CENPE: variants seen among roughly 807,000 people sequenced by gnomAD.
CENPE encodes the protein centromere-associated protein E.
CENPE carries 145 observed loss-of-function variants against 336.1 expected under a neutral mutation model. The observed-to-expected ratio is 0.43, with a 90% CI of 0.38 to 0.50. CENPE has a LOEUF of 0.50. Among genes scored for constraint, CENPE ranks in the 20% least tolerant of loss-of-function variants. The pLI is 0.00. For synonymous variants in CENPE, 1,013 were observed against 984.8 expected (o/e 1.03, Z -0.54); for missense variants, 2,719 against 3,023.3 (o/e 0.90, Z 2.36).
chr4:103,183,370 G>T, intron 9 of CENPE, 82 bp from the exon 10 acceptor site: 1 of 1,059,954 alleles, frequency 9.4e-7, no homozygotes, highest in Non-Finnish European at 1.4e-6. Context: ...GTTAATGAGA[G>T]AAATTAGAGG....
intron 8 of CENPE, among the ~76,000 whole-genome samples, chr4:103,190,055 GAATAA>G (rs1273587501): frequency 6.6e-6 from 1 of 152,084 alleles, no homozygotes; most frequent in Non-Finnish European, 1.5e-5. Flanking sequence ...GCTTCAAAGA[GAATAA>G]AATACCTAGG....
chr4:103,182,745 A>G lies in CENPE; in HGVS notation c.963+17T>C. 6.3e-7 allele frequency: 1 copy of G among 1,580,900 alleles called. No homozygotes were observed. Among genetic ancestry groups the G allele is most frequent in the Non-Finnish European group, 8.6e-7 (1 of 1,162,250 alleles). The stretch of plus-strand genomic sequence containing the variant: ...TGATCTTCCCCTATATTAAGCTGAG[A>G]TAAAAATCAAACTCACCTGGAGAGC... On this transcript the variant is annotated intron_variant, in intron 11 of 48. Coordinates refer to ENST00000265148, the MANE Select transcript of CENPE (RefSeq NM_001813.3).
At chr4:103,111,987 C>A (rs1211264115) in intron 46 of CENPE, among the ~76,000 whole-genome samples, 1 of 151,498 alleles carries the variant, frequency 6.6e-6, no homozygotes, top group East Asian at 1.9e-4. Context: ...TGTGCGTGTG[C>A]ATGTATATAA....
In CENPE at chr4:103,195,119, C is replaced by T. The variant is rs1757640302; in HGVS notation, c.472G>A (p.Val158Ile). The change falls in exon 5 of 49, where the codon GTC (valine) becomes ATC (isoleucine). Residue 158 changes from valine to isoleucine, a missense_variant. By Grantham distance (29) the Val-to-Ile change is conservative (BLOSUM62 3). Coordinates refer to ENST00000265148, the MANE Select transcript of CENPE (RefSeq NM_001813.3). ...CCCTTAAGTCTGCTACTCACATTGA[C>T]ATCTTCTCGAATAATTAAAGGTTTC... ...KMKPLIIRED[V>I]NRNVYVADLT... 6 of 1,582,592 alleles carry T rather than the reference C, an allele frequency of 3.8e-6. No homozygotes were observed. The highest frequency in any genetic ancestry group is 5.1e-6 in the Non-Finnish European group (6 of 1,171,802).
chr4:103,160,031 TG>T (rs200266113), intron 21 of CENPE, among the ~76,000 whole-genome samples: 1,891 of 151,966 alleles, frequency 0.012, 33 homozygotes, highest in African/African-American at 0.04. Context: ...AATGGGTTAT[TG>T]GGACTAAAAA....
intron 4 of CENPE, among the ~76,000 whole-genome samples, chr4:103,195,515 C>A (rs565697734): frequency 6.6e-6 from 1 of 152,018 alleles, no homozygotes. Flanking sequence ...AATAAAAATG[C>A]TAATTTGAAA....
intron 40 of CENPE, among the ~76,000 whole-genome samples, chr4:103,134,923 T>C (rs1196906659): frequency 2.0e-5 from 3 of 152,244 alleles, no homozygotes; most frequent in African/African-American, 4.8e-5. Flanking sequence ...TGATCACTAA[T>C]GAGTTCTATT....
At chr4:103,182,352 A>C (rs6841136) in intron 11 of CENPE, among the ~76,000 whole-genome samples, 68,704 of 152,024 alleles carry the variant, frequency 0.45, 16,327 homozygotes, top group African/African-American at 0.61. Flanking sequence ...AGGCTCAGAG[A>C]AAATGAAGGC....
Position 103,189,073 on chromosome 4 carries a change from C to A in CENPE, c.694-3212G>T, listed in dbSNP as rs149295696. On this transcript the variant is annotated intron_variant, in intron 8 of 48. Coordinates refer to ENST00000265148, the MANE Select transcript of CENPE (RefSeq NM_001813.3). ...ATGGATAAATTGCTGGACACATACA[C>A]CCTCCCAAGACTAAATCAGGAAGAA... Among the ~76,000 whole-genome samples, 1,442 of 152,254 alleles carry A rather than the reference C, an allele frequency of 9.5e-3. 83 individuals carry two copies. In the East Asian group the frequency reaches 0.16, roughly 17 times the overall value.
chr4:103,126,914 A>G (rs966562200), intron 42 of CENPE, among the ~76,000 whole-genome samples: 1 of 151,996 alleles, frequency 6.6e-6, no homozygotes, highest in Non-Finnish European at 1.5e-5. Flanking sequence ...TCCCTAAACA[A>G]CATCCTAGAA....
At chr4:103,183,419 C>T in intron 9 of CENPE, 131 bp from the exon 10 acceptor site, 1 of 615,080 alleles carries the variant, frequency 1.6e-6, no homozygotes, top group Non-Finnish European at 2.7e-6. Context: ...AGACATGAGC[C>T]CATCTTTAAT....
At chr4:103,194,525 T>C (rs1283027197) in intron 6 of CENPE, 78 bp downstream of exon 6, 1 of 1,453,598 alleles carries the variant, frequency 6.9e-7, no homozygotes, top group Admixed American at 2.0e-5. Flanking sequence ...TAAAAAAGTA[T>C]GATTTGAGGT....
At chr4:103,176,566 T>C (rs1378573223) in intron 14 of CENPE, among the ~76,000 whole-genome samples, 3 of 152,136 alleles carry the variant, frequency 2.0e-5, no homozygotes, top group Admixed American at 6.5e-5. Flanking sequence ...TTTATTTATT[T>C]ATTTATATTT....
intron 40 of CENPE, 62 bp from the exon 41 acceptor site, chr4:103,133,954 T>C (rs1751841965): frequency 9.5e-7 from 1 of 1,048,170 alleles, no homozygotes; most frequent in Non-Finnish European, 1.4e-6. Flanking sequence ...GAGAAAGTTT[T>C]CATCCTTGAG....
At position 103,164,086 on chromosome 4, in the gene CENPE, T is replaced by G. The variant is rs150126233; in HGVS notation, c.1648-533A>C. Reference sequence around the variant, plus strand: ...TCATGCAGTGCCTTTACAATATTATTACTTTTCACCAGTGCTACACAGGTA... The same window carrying G: ...TCATGCAGTGCCTTTACAATATTATGACTTTTCACCAGTGCTACACAGGTA... On this transcript the variant is annotated intron_variant, in intron 16 of 48. Coordinates refer to ENST00000265148, the MANE Select transcript of CENPE (RefSeq NM_001813.3). Among the ~76,000 whole-genome samples the G allele has an allele frequency of 2.4e-3, 362 of 152,270 alleles. 1 individual carries two copies. Among genetic ancestry groups the G allele is most frequent in the Non-Finnish European group, 4.2e-3 (283 of 67,966 alleles).
At chr4:103,159,905 G>A (rs1754292922) in intron 21 of CENPE, among the ~76,000 whole-genome samples, 1 of 151,778 alleles carries the variant, frequency 6.6e-6, no homozygotes, top group Admixed American at 6.6e-5. Flanking sequence ...AGGGCAGAGA[G>A]AGATGAGAAA....
In CENPE at chr4:103,140,383, G is replaced by C. The variant is rs1578590190; in HGVS notation, c.5786C>G (p.Ala1929Gly). Residue 1929 changes from alanine (A) to glycine (G), a missense_variant, in exon 37 of 49, where the codon GCT becomes GGT. Ala to Gly is a moderately conservative substitution (Grantham distance 60, BLOSUM62 0). Around this residue, in one of 5 missense-constraint regions of CENPE, gnomAD observed 2,437 missense variants for 2,513.3 expected, o/e 0.97. Coordinates refer to ENST00000265148, the MANE Select transcript of CENPE (RefSeq NM_001813.3). Reference protein sequence around the residue: ...DLEIQQELKTARMLSKEHKET... With the variant: ...DLEIQQELKTGRMLSKEHKET... ...TTTGTGTTCTTTTGATAGCATACGAGCAGTTTTTAGTTCCTGTTGTATTTC... is the reference window on the plus strand; with the variant it reads ...TTTGTGTTCTTTTGATAGCATACGACCAGTTTTTAGTTCCTGTTGTATTTC... The C allele has an allele frequency of 6.3e-7, 1 of 1,599,510 alleles. No homozygotes were observed. The highest frequency in any genetic ancestry group is 8.5e-7 in the Non-Finnish European group (1 of 1,174,802).
chr4:103,136,102 C>G, intron 40 of CENPE, 39 bp downstream of exon 40: 1 of 1,516,142 alleles, frequency 6.6e-7, no homozygotes. Flanking sequence ...ATGTTTATAA[C>G]TGAAATATTT....
At chr4:103,175,020 T>C in intron 15 of CENPE, 117 bp from the exon 16 acceptor site, 1 of 619,532 alleles carries the variant, frequency 1.6e-6, no homozygotes. Flanking sequence ...CTTTCTAAAG[T>C]TCTACATTTT....
Sources: gnomAD v4.1 joint callset for allele counts (sites outside exome capture counted in the v4.1 genomes callset) on GRCh38, gnomAD v4.1.1 for gene constraint, gnomAD v4.1.1 regional missense constraint, MANE v1.5 for transcripts, NCBI Gene and HGNC (gene_info 2026-07-23, HGNC 2026-07-21) for gene names.